Variants in PRR16 observed in about 807,000 individuals in gnomAD.
The protein encoded by PRR16 is proline rich 16.
In PRR16, 6 loss-of-function variants were observed where a neutral mutation model predicts 18.2. The ratio of observed to expected loss-of-function variants is 0.33; its 90% CI spans 0.18 to 0.65. PRR16 has a LOEUF of 0.65. PRR16 is among the 30% of genes least tolerant of loss of function. The pLI is 0.74. For synonymous variants in PRR16, 151 were observed against 147.8 expected (o/e 1.02, Z -0.16); for missense variants, 412 against 376.6 (o/e 1.09, Z -0.78).
chr5:120,777,876 A>C, the PRR16 span, among the ~76,000 whole-genome samples: 2 of 152,254 alleles, frequency 1.3e-5, no homozygotes, highest in East Asian at 1.9e-4. Context: ...TAAAAGAGAA[A>C]ATATTAAGTT....
At chr5:120,608,201 T>C (rs1287354958) in intron 1 of PRR16, among the ~76,000 whole-genome samples, 1 of 152,206 alleles carries the variant, frequency 6.6e-6, no homozygotes, top group African/African-American at 2.4e-5. Context: ...AGGTTTCTGA[T>C]AGCACAAGAA....
chr5:120,667,868 C>G (rs1374653284), intron 1 of PRR16, among the ~76,000 whole-genome samples: 4 of 152,110 alleles, frequency 2.6e-5, no homozygotes, highest in Non-Finnish European at 5.9e-5. Context: ...GAGAGCTTTA[C>G]TTCCAACTAT....
chr5:120,787,728 G>A, the PRR16 span, among the ~76,000 whole-genome samples: 5 of 152,108 alleles, frequency 3.3e-5, no homozygotes, highest in South Asian at 6.2e-4. Flanking sequence ...GCTTTCAGCC[G>A]GTGTCTTCGC....
intron 1 of PRR16, among the ~76,000 whole-genome samples, chr5:120,589,921 C>T (rs754614905): frequency 1.3e-5 from 2 of 152,034 alleles, no homozygotes. Context: ...TTGGAATTTG[C>T]TTGCCAAGAA....
At chr5:120,635,439 C>T (rs1755194689) in intron 1 of PRR16, among the ~76,000 whole-genome samples, 1 of 152,108 alleles carries the variant, frequency 6.6e-6, no homozygotes, top group Non-Finnish European at 1.5e-5. Flanking sequence ...GGGTTTCAAA[C>T]CAGGGATGCA....
At chr5:120,700,691 G>C in the PRR16 span, among the ~76,000 whole-genome samples, 2 of 152,104 alleles carry the variant, frequency 1.3e-5, no homozygotes, top group Non-Finnish European at 2.9e-5. Flanking sequence ...CAACAGTTAT[G>C]GAGGCAAGGG....
At chr5:120,622,129 T>A (rs981715593) in intron 1 of PRR16, among the ~76,000 whole-genome samples, 3 of 152,134 alleles carry the variant, frequency 2.0e-5, no homozygotes, top group Non-Finnish European at 4.4e-5. Context: ...CTTTATGAAT[T>A]CTTGTTTGTG....
chr5:120,466,115 C>A (rs1476208284), intron 1 of PRR16, among the ~76,000 whole-genome samples: 1 of 152,156 alleles, frequency 6.6e-6, no homozygotes, highest in African/African-American at 2.4e-5. Flanking sequence ...TGTTAGTATA[C>A]ATAGATTCAG....
Position 120,464,545 on chromosome 5 carries a change from C to T in PRR16, c.59C>T (p.Ala20Val). ...TCCTGTCCAGCCGAGGGACCGCCGGCAGCCTCCAAAACCAAGGTGAAGGAA... is the reference window on the plus strand; with the variant it reads ...TCCTGTCCAGCCGAGGGACCGCCGGTAGCCTCCAAAACCAAGGTGAAGGAA... ...SSSCPAEGPP[A>V]ASKTKVKEQI... The change falls in exon 1 of 2, where the codon GCA becomes GTA. Residue 20 changes from alanine (A) to valine (V), a missense_variant. Transcript: ENST00000407149. 5 of 1,591,596 alleles carry T rather than the reference C, an allele frequency of 3.1e-6. No homozygotes were observed. Among genetic ancestry groups the T allele is most frequent in the Non-Finnish European group, 4.2e-6 (5 of 1,177,038 alleles).
At chr5:120,477,403 G>T (rs545202842) in intron 1 of PRR16, among the ~76,000 whole-genome samples, 7 of 152,048 alleles carry the variant, frequency 4.6e-5, no homozygotes, top group Non-Finnish European at 8.8e-5. Flanking sequence ...AGACCTGGGA[G>T]TCTTTATTAA....
chr5:120,533,755 G>A (rs1401476062), intron 1 of PRR16, among the ~76,000 whole-genome samples: 1 of 152,176 alleles, frequency 6.6e-6, no homozygotes, highest in Non-Finnish European at 1.5e-5. Flanking sequence ...GCTGGCTGTT[G>A]CAATCCTTGC....
chr5:120,530,421 C>T (rs914497409), intron 1 of PRR16, among the ~76,000 whole-genome samples: 3 of 151,134 alleles, frequency 2.0e-5, no homozygotes, highest in African/African-American at 4.9e-5. Context: ...TCTCCTTTTT[C>T]TTCTGATTTC....
At chr5:120,762,698 A>T in the PRR16 span, among the ~76,000 whole-genome samples, 1 of 152,068 alleles carries the variant, frequency 6.6e-6, no homozygotes, top group South Asian at 2.1e-4. Context: ...TTGTCAGATG[A>T]ATACTTTGCA....
intron 1 of PRR16, among the ~76,000 whole-genome samples, chr5:120,507,755 G>A (rs1173898573): frequency 6.6e-6 from 1 of 151,786 alleles, no homozygotes; most frequent in Non-Finnish European, 1.5e-5. Flanking sequence ...TTTAAGGTTG[G>A]TCTGAATTGT....
chr5:120,735,245 G>T, the PRR16 span, among the ~76,000 whole-genome samples: 2 of 152,100 alleles, frequency 1.3e-5, no homozygotes, highest in African/African-American at 4.8e-5. Context: ...ACCAGAGTTT[G>T]CTTATCCATT....
At position 120,545,587 on chromosome 5, in the gene PRR16, T is replaced by C. The variant is rs117088918; in HGVS notation, c.159+80942T>C. 2.0e-3 allele frequency among the ~76,000 whole-genome samples: 311 copies of C among 152,192 alleles called. 5 individuals are homozygous for C. In the East Asian group the frequency reaches 0.058, roughly 28 times the overall value. On this transcript the variant is annotated intron_variant, in intron 1 of 1. Transcript: ENST00000407149. ...ACTAAATAAGGTATTTAGTGCTTTA[T>C]GAATTAAATTCTTTTGAAAATGTTG... is the stretch of plus-strand genomic sequence containing the variant.
Position 120,536,235 on chromosome 5 carries a change from A to T in PRR16, c.159+71590A>T, listed in dbSNP as rs532302050. 3.1e-3 allele frequency among the ~76,000 whole-genome samples: 467 copies of T among 152,242 alleles called. 1 individual carries two copies. The highest frequency in any genetic ancestry group is 0.011 in the African/African-American group (441 of 41,562). On this transcript the variant is annotated intron_variant, in intron 1 of 1. Transcript: ENST00000407149. Reference sequence around the variant, plus strand: ...TACTGCTTGGATCTCCTTAGTAACCAATTGATTTAAATATTAGTGATGCAC... The same window carrying T: ...TACTGCTTGGATCTCCTTAGTAACCTATTGATTTAAATATTAGTGATGCAC...
chr5:120,637,232 C>T (rs1755257720), intron 1 of PRR16, among the ~76,000 whole-genome samples: 1 of 139,568 alleles, frequency 7.2e-6, no homozygotes, highest in African/African-American at 2.6e-5. Flanking sequence ...GTGAAGATTC[C>T]TTAAAGTACA....
chr5:120,689,746 A>G (rs1303570300), downstream of PRR16, among the ~76,000 whole-genome samples: 1 of 150,418 alleles, frequency 6.6e-6, no homozygotes, highest in East Asian at 1.9e-4. Flanking sequence ...ATTGGAATAA[A>G]CAGGGTGTTT....
Sources: allele counts gnomAD v4.1 joint callset (sites outside exome capture counted in the v4.1 genomes callset), GRCh38; gene constraint gnomAD v4.1.1; transcripts MANE v1.5; gene names NCBI Gene and HGNC (gene_info 2026-07-23, HGNC 2026-07-21).